The following HOMER1 variants were observed in gnomAD, a reference collection of about 807,000 sequenced individuals.
HOMER1 encodes homer scaffold protein 1, also known as homer protein homolog 1.
HOMER1 carries 3 observed loss-of-function variants against 48.9 expected under a neutral mutation model. The ratio of observed to expected loss-of-function variants is 0.06; its 90% CI spans 0.03 to 0.16. HOMER1 has a LOEUF of 0.16. HOMER1 is among the 10% of genes least tolerant of loss of function. The probability of loss-of-function intolerance (pLI) is 1.00; values close to 1 mark genes in which losing one functional copy is unlikely to be tolerated. For synonymous variants in HOMER1, 134 were observed against 146.4 expected, an observed-to-expected ratio of 0.92 and a Z score of 0.61; for missense variants, 247 against 411.4, an observed-to-expected ratio of 0.60 and a Z score of 3.46.
At chr5:79,431,927 C>G (rs1750437666) in intron 5 of HOMER1, among the ~76,000 whole-genome samples, 1 of 152,180 alleles carries the variant, frequency 6.6e-6, no homozygotes, top group Non-Finnish European at 1.5e-5. Context: ...CCAATCTTTA[C>G]AGAGATTTCT....
Position 79,513,471 on chromosome 5 carries a change from A to G in HOMER1, c.-697T>C. The G allele has an allele frequency of 6.6e-6, 1 of 152,492 alleles. No individual in the cohort carries two copies. The highest frequency in any genetic ancestry group is 1.5e-5 in the Non-Finnish European group (1 of 68,174). 9.4% of individuals were successfully genotyped at this position (152,492 alleles called of 1,614,324 possible). A position where few individuals can be genotyped will look rare whatever the true frequency, so the allele number is the denominator to read the frequency against. On this transcript the variant is annotated 5_prime_UTR_variant, in exon 1 of 9. An upstream start codon of the reference 5' UTR is lost. Transcript: ENST00000334082. Reference sequence around the variant, plus strand: ...AGAGAAGGCTAGGCAGGATCGATTCATTCTCCCGAAGAGAATAAACGGAGC... The same window carrying G: ...AGAGAAGGCTAGGCAGGATCGATTCGTTCTCCCGAAGAGAATAAACGGAGC...
chr5:79,397,865 T>A, intron 6 of HOMER1: 1 of 306,884 alleles, frequency 3.3e-6, no homozygotes, highest in Non-Finnish European at 5.8e-6. Context: ...AAGGTTAGGA[T>A]AACTTAAATT....
At chr5:79,508,265 T>C (rs939089277) in intron 1 of HOMER1, among the ~76,000 whole-genome samples, 1 of 152,240 alleles carries the variant, frequency 6.6e-6, no homozygotes, top group African/African-American at 2.4e-5. Flanking sequence ...GTCACCATCA[T>C]CAGTCTATCT....
intron 8 of HOMER1, among the ~76,000 whole-genome samples, chr5:79,378,882 C>G (rs1344786706): frequency 2.6e-5 from 4 of 151,294 alleles, no homozygotes; most frequent in African/African-American, 9.7e-5. Flanking sequence ...GAATCCCCTA[C>G]TCTAAGCACC....
chr5:79,465,758 A>G (rs1300634418), intron 1 of HOMER1, among the ~76,000 whole-genome samples: 4 of 151,568 alleles, frequency 2.6e-5, no homozygotes, highest in African/African-American at 4.9e-5. Context: ...ACACCCTGCT[A>G]ATTTTTTGTA....
Position 79,457,044 on chromosome 5 carries a change from G to A in HOMER1, c.6-26C>T, listed in dbSNP as rs756465199. ...CTGCAGGGCAGAAAAGAAAATGATGGACTGAAAGCAGCCAGTTTTATTTCA... is the reference window on the plus strand; with the variant it reads ...CTGCAGGGCAGAAAAGAAAATGATGAACTGAAAGCAGCCAGTTTTATTTCA... On this transcript the variant is annotated intron_variant, in intron 1 of 8. Coordinates refer to ENST00000334082, the MANE Select transcript of HOMER1 (RefSeq NM_004272.5). The A allele has an allele frequency of 1.6e-5, 25 of 1,611,374 alleles. No individual in the cohort carries two copies. The South Asian group carries it at 2.6e-4, about 17-fold the overall frequency.
intron 5 of HOMER1, among the ~76,000 whole-genome samples, chr5:79,407,102 G>T (rs1362091168): frequency 6.6e-6 from 1 of 152,168 alleles, no homozygotes; most frequent in Non-Finnish European, 1.5e-5. Flanking sequence ...ACAAGGTAAT[G>T]CTAGAGATGT....
chr5:79,498,023 T>C (rs1421868476), intron 1 of HOMER1, among the ~76,000 whole-genome samples: 1 of 152,176 alleles, frequency 6.6e-6, no homozygotes, highest in African/African-American at 2.4e-5. Flanking sequence ...AGGTTCAAAA[T>C]TGAGAACCAC....
intron 1 of HOMER1, among the ~76,000 whole-genome samples, chr5:79,469,639 A>C (rs1172871903): frequency 6.6e-6 from 1 of 151,964 alleles, no homozygotes; most frequent in East Asian, 1.9e-4. Context: ...GGCTATATTA[A>C]GTATAATTAA....
Position 79,405,631 on chromosome 5 carries a change from T to C in HOMER1, c.528-3576A>G, listed in dbSNP as rs145880613. On this transcript the variant is annotated intron_variant, in intron 5 of 8. Coordinates refer to ENST00000334082, the MANE Select transcript of HOMER1 (RefSeq NM_004272.5). ...TGATTCAAGTTTTCTCCAACAAGTA[T>C]TTTCCAGTTATTACACCCATCCTTT... Among the ~76,000 whole-genome samples, 956 of 152,328 alleles carry C rather than the reference T, an allele frequency of 6.3e-3. 6 individuals are homozygous for C. Among genetic ancestry groups the C allele is most frequent in the African/African-American group, 0.021 (894 of 41,582 alleles).
chr5:79,462,186 C>T (rs1288974050), intron 1 of HOMER1, among the ~76,000 whole-genome samples: 1 of 152,094 alleles, frequency 6.6e-6, no homozygotes, highest in Non-Finnish European at 1.5e-5. Flanking sequence ...GGCGACAGAG[C>T]GAGACTCCAT....
chr5:79,513,761 G>A lies in HOMER1; in HGVS notation c.-987C>T, dbSNP rs1249723020. 1 of 152,628 alleles carries A rather than the reference G, an allele frequency of 6.6e-6. No individual in the cohort carries two copies. The highest frequency in any genetic ancestry group is 1.5e-5 in the Non-Finnish European group (1 of 68,382). The allele number at this position is 152,628 out of a possible 1,614,324, so 9.5% of individuals were successfully genotyped here. A position where few individuals can be genotyped will look rare whatever the true frequency, so the allele number is the denominator to read the frequency against. ...CACTGGCACCCTGCCCCCAGCTCCA[G>A]GGCGGGCGAAAGGGGCCGAAGGGTC... On this transcript the variant is annotated 5_prime_UTR_variant, in exon 1 of 9. Coordinates refer to ENST00000334082, the MANE Select transcript of HOMER1 (RefSeq NM_004272.5).
At chr5:79,392,890 T>C (rs1749286317) in intron 8 of HOMER1, among the ~76,000 whole-genome samples, 1 of 150,340 alleles carries the variant, frequency 6.7e-6, no homozygotes, top group East Asian at 2.0e-4. Context: ...TTAGATGTGC[T>C]TAGATACAAA....
At chr5:79,376,641 T>C (rs1418296380) in intron 8 of HOMER1, among the ~76,000 whole-genome samples, 1 of 152,172 alleles carries the variant, frequency 6.6e-6, no homozygotes, top group East Asian at 1.9e-4. Flanking sequence ...TAGAGAAAGA[T>C]TTAGACAAGA....
intron 1 of HOMER1, among the ~76,000 whole-genome samples, chr5:79,511,906 G>A (rs1752955313): frequency 6.6e-6 from 1 of 152,182 alleles, no homozygotes; most frequent in Non-Finnish European, 1.5e-5. Context: ...GAAAATTCTG[G>A]AAGTTCTTCT....
chr5:79,450,324 G>C (rs1442134635), intron 3 of HOMER1, among the ~76,000 whole-genome samples: 2 of 152,074 alleles, frequency 1.3e-5, no homozygotes, highest in Non-Finnish European at 2.9e-5. Flanking sequence ...ATTCTTTTCT[G>C]TGTAACATCC....
chr5:79,375,720 G>T lies in HOMER1; in HGVS notation c.*289C>A. ...CCCATTGGCTAATATCAGGAAAAAAGATTGCATTAAGTGTCTATTTATAAC... is the reference window on the plus strand; with the variant it reads ...CCCATTGGCTAATATCAGGAAAAAATATTGCATTAAGTGTCTATTTATAAC... On this transcript the variant is annotated 3_prime_UTR_variant, in exon 9 of 9. Transcript: ENST00000334082. The T allele has an allele frequency of 8.4e-6, 2 of 237,164 alleles. No homozygotes were observed. The highest frequency in any genetic ancestry group is 1.7e-4 in the South Asian group (1 of 6,020). 14.7% of individuals were successfully genotyped at this position (237,164 alleles called of 1,614,324 possible).
chr5:79,434,480 T>C (rs1750516548), intron 5 of HOMER1, among the ~76,000 whole-genome samples: 1 of 152,136 alleles, frequency 6.6e-6, no homozygotes, highest in Non-Finnish European at 1.5e-5. Context: ...TTACTTGATA[T>C]ATAGCTAATC....
chr5:79,403,163 G>T (rs1749576420), intron 5 of HOMER1, among the ~76,000 whole-genome samples: 1 of 152,050 alleles, frequency 6.6e-6, no homozygotes, highest in Non-Finnish European at 1.5e-5. Context: ...GAAAGAAAAA[G>T]GTTGTTTCTC....
Sources: gnomAD v4.1 joint callset for allele counts (sites outside exome capture counted in the v4.1 genomes callset) on GRCh38, gnomAD v4.1.1 for gene constraint, MANE v1.5 for transcripts, NCBI Gene and HGNC (gene_info 2026-07-23, HGNC 2026-07-21) for gene names.